KIF5B: variants seen among roughly 807,000 people sequenced by gnomAD.
KIF5B encodes the protein kinesin-1 heavy chain.
KIF5B carries 49 observed loss-of-function variants against 132.8 expected under a neutral mutation model. The ratio of observed to expected loss-of-function variants is 0.37; its 90% confidence interval spans 0.29 to 0.47. The LOEUF (loss-of-function observed/expected upper bound fraction) is 0.47, where lower values mean the gene tolerates loss of function less well. Ranked by LOEUF, KIF5B falls within the 20% of genes least tolerant of loss-of-function variation. The probability of loss-of-function intolerance (pLI) is 1.00; values close to 1 mark genes in which losing one functional copy is unlikely to be tolerated. For synonymous variants in KIF5B, 355 were observed against 369.4 expected (o/e 0.96, Z 0.45); for missense variants, 780 against 1,144.0 (o/e 0.68, Z 4.59).
chr10:32,047,015 AGT>A (rs1273005245), intron 2 of KIF5B, among the ~76,000 whole-genome samples: 2 of 152,236 alleles, frequency 1.3e-5, no homozygotes, highest in African/African-American at 4.8e-5. Context: ...TTTATAATAA[AGT>A]GTTAAATATT....
intron 24 of KIF5B, 127 bp from the exon 25 acceptor site, chr10:32,015,786 T>C: frequency 1.4e-6 from 1 of 719,362 alleles, no homozygotes; most frequent in Non-Finnish European, 2.2e-6. Flanking sequence ...TTTTTGTTTC[T>C]CCATCACTTT....
intron 2 of KIF5B, among the ~76,000 whole-genome samples, chr10:32,047,367 A>G (rs1050804196): frequency 6.6e-6 from 1 of 152,018 alleles, no homozygotes; most frequent in Admixed American, 6.6e-5. Flanking sequence ...TCCTTTGACT[A>G]TATCCTCAAT....
chr10:32,017,975 T>C (rs951629420), intron 23 of KIF5B, 77 bp downstream of exon 23: 12 of 692,312 alleles, frequency 1.7e-5, no homozygotes, highest in African/African-American at 9.0e-5. Flanking sequence ...CTCTGAAAGA[T>C]TGAAATACTC....
At chr10:32,032,055 A>C (rs1454722314) in intron 13 of KIF5B, among the ~76,000 whole-genome samples, 1 of 151,628 alleles carries the variant, frequency 6.6e-6, no homozygotes, top group Non-Finnish European at 1.5e-5. Context: ...CAGGGATGCC[A>C]AGAGACTAGT....
intron 7 of KIF5B, 61 bp from the exon 8 acceptor site, chr10:32,037,439 G>A: frequency 6.3e-7 from 1 of 1,598,290 alleles, no homozygotes; most frequent in South Asian, 1.1e-5. Flanking sequence ...CAATTTCCCT[G>A]AAGCAATCTT....
At chr10:32,045,751 T>C (rs1841599675) in intron 2 of KIF5B, among the ~76,000 whole-genome samples, 1 of 152,252 alleles carries the variant, frequency 6.6e-6, no homozygotes, top group African/African-American at 2.4e-5. Flanking sequence ...ACTGGTACTT[T>C]GGGCAAATAC....
chr10:32,018,169 G>T lies in KIF5B; in HGVS notation c.2440-13C>A. 1 of 1,556,006 alleles carries T rather than the reference G, an allele frequency of 6.4e-7. No individual in the cohort carries two copies. On this transcript the variant is annotated splice_polypyrimidine_tract_variant and intron_variant, in intron 22 of 25. Transcript: ENST00000302418. ...CAATCTCAGCACTCTGAGAAAAGAA[G>T]GTAAGTATTACAAAAAAATTAAAAA... is the stretch of plus-strand genomic sequence containing the variant.
Position 32,056,234 on chromosome 10 carries a change from G to T in KIF5B, c.-261C>A. 1 of 451,562 alleles carries T rather than the reference G, an allele frequency of 2.2e-6. No homozygotes were observed. Among genetic ancestry groups the T allele is most frequent in the Non-Finnish European group, 3.9e-6 (1 of 256,310 alleles). The allele number at this position is 451,562 out of a possible 1,614,324, so 28.0% of individuals were successfully genotyped here. ...CAGCGGCGGCGGCACCGGGGAGAGC[G>T]TCCGCGGCTCCTCAGCGTCCCCCTT... On this transcript the variant is annotated 5_prime_UTR_variant, in exon 1 of 26. Coordinates refer to ENST00000302418, the MANE Select transcript of KIF5B (RefSeq NM_004521.3).
intron 6 of KIF5B, 127 bp from the exon 7 acceptor site, chr10:32,037,734 G>A: frequency 6.1e-6 from 4 of 655,968 alleles, no homozygotes; most frequent in Non-Finnish European, 1.0e-5. Flanking sequence ...TTGGGAGGCT[G>A]AGGCAGGAGA....
rs1423323658 is a variant in KIF5B, at chr10:32,031,221, T to A, written c.1433A>T (p.Gln478Leu). Reference sequence around the variant, plus strand: ...TTCTTTAGAGGCATCATTTTCTGCTTGAAGGCGATTCAGCTCAGCTTGCAT... The same window carrying A: ...TTCTTTAGAGGCATCATTTTCTGCTAGAAGGCGATTCAGCTCAGCTTGCAT... The part of the protein sequence containing the change: ...DNMQAELNRL[Q>L]AENDASKEEV... Residue 478 changes from glutamine (Q) to leucine (L), a missense_variant, in exon 14 of 26, where the codon CAA (glutamine) becomes CTA (leucine). Gln to Leu is a moderately radical substitution (Grantham distance 113). Around this residue, in one of 9 missense-constraint regions of KIF5B, gnomAD observed 471 missense variants for 569.9 expected, o/e 0.83. Coordinates refer to ENST00000302418, the MANE Select transcript of KIF5B (RefSeq NM_004521.3). 6.2e-7 allele frequency: 1 copy of A among 1,613,956 alleles called. No individual in the cohort carries two copies. The highest frequency in any genetic ancestry group is 8.5e-7 in the Non-Finnish European group (1 of 1,180,008).
At chr10:32,036,460 C>A (rs1841460655) in intron 8 of KIF5B, among the ~76,000 whole-genome samples, 1 of 151,818 alleles carries the variant, frequency 6.6e-6, no homozygotes, top group South Asian at 2.1e-4. Context: ...CACTCTGTCA[C>A]CCAGGCTGGA....
chr10:32,013,982 T>C (rs997259436), intron 25 of KIF5B, among the ~76,000 whole-genome samples: 1 of 152,214 alleles, frequency 6.6e-6, no homozygotes, highest in Non-Finnish European at 1.5e-5. Flanking sequence ...GCCAGTATTA[T>C]GCAAAATGTC....
rs758347785 is a variant in KIF5B at position 32,010,531 on chromosome 10, C to T, written c.*1006G>A. On this transcript the variant is annotated 3_prime_UTR_variant, in exon 26 of 26. Transcript: ENST00000302418. ...AATTCATCATATATCTGTCCTGTTTCTTCATTTTTCTCAATTTCCACACGC... is the reference window on the plus strand; with the variant it reads ...AATTCATCATATATCTGTCCTGTTTTTTCATTTTTCTCAATTTCCACACGC... 1 of 152,078 alleles carries T rather than the reference C, an allele frequency of 6.6e-6. No homozygotes were observed. Among genetic ancestry groups the T allele is most frequent in the Non-Finnish European group, 1.5e-5 (1 of 67,964 alleles). 9.4% of individuals were successfully genotyped at this position (152,078 alleles called of 1,614,324 possible). A position where few individuals can be genotyped will look rare whatever the true frequency, so the allele number is the denominator to read the frequency against.
Position 32,026,437 on chromosome 10 carries a change from C to CAAAAAAAAAAA in KIF5B, c.1725+1980_1725+1990dup, listed in dbSNP as rs71027049. 6.1e-4 allele frequency among the ~76,000 whole-genome samples: 30 copies of CAAAAAAAAAAA among 48,924 alleles called. 3 individuals are homozygous for CAAAAAAAAAAA. The highest frequency in any genetic ancestry group is 8.3e-4 in the East Asian group (1 of 1,202). The allele number at this position is 48,924 out of a possible 152,430, so 32.1% of individuals were successfully genotyped here. A position where few individuals can be genotyped will look rare whatever the true frequency, so the allele number is the denominator to read the frequency against. ...TGGGAGACACAGTGAGATTCCGTCT[C>CAAAAAAAAAAA]AAAAAAAAAAAAAAAAAAAAAAAAG... On this transcript the variant is annotated intron_variant, in intron 15 of 25. Coordinates refer to ENST00000302418, the MANE Select transcript of KIF5B (RefSeq NM_004521.3).
intron 1 of KIF5B, 128 bp downstream of exon 1, chr10:32,055,720 A>AAACCCCGCCGGGGAGGGCTGGG: frequency 7.6e-7 from 1 of 1,312,768 alleles, no homozygotes; most frequent in South Asian, 1.4e-5. Flanking sequence ...CTGAACCGGC[A>AAACCCCGCCGGGGAGGGCTGGG]AACCCCGCCG....
intron 15 of KIF5B, among the ~76,000 whole-genome samples, chr10:32,023,910 C>T (rs211381): frequency 0.97 from 148,019 of 152,018 alleles, 72,190 homozygotes; most frequent in Middle Eastern, 1. Context: ...ACTTTTAACA[C>T]AGGAGAAAAT....
At position 32,019,858 on chromosome 10, in the gene KIF5B, G is replaced by T; in HGVS notation, c.2306C>A (p.Thr769Lys). The change falls in exon 20 of 26, where the codon ACG (threonine) becomes AAG (lysine). Residue 769 changes from threonine to lysine, a missense_variant and splice_region_variant. Coordinates refer to ENST00000302418, the MANE Select transcript of KIF5B (RefSeq NM_004521.3). Reference sequence around the variant, plus strand: ...ACTTTAATTAAAAACAATTACTCACGTAAGTTCATGTAGTTTTCTGCTCTT... The same window carrying T: ...ACTTTAATTAAAAACAATTACTCACTTAAGTTCATGTAGTTTTCTGCTCTT... ...QEKSRKLHEL[T>K]VMQDRREQAR... 6.3e-7 allele frequency: 1 copy of T among 1,580,526 alleles called. No homozygotes were observed. The highest frequency in any genetic ancestry group is 1.7e-5 in the Admixed American group (1 of 57,578).
At chr10:32,015,404 TAA>T in intron 25 of KIF5B, 103 bp downstream of exon 25, 1 of 829,914 alleles carries the variant, frequency 1.2e-6, no homozygotes. Flanking sequence ...ATGCTTAAGT[TAA>T]AAAAATCATA....
At chr10:32,044,770 CAAG>C (rs1423992072) in intron 2 of KIF5B, among the ~76,000 whole-genome samples, 1 of 151,904 alleles carries the variant, frequency 6.6e-6, no homozygotes, top group Non-Finnish European at 1.5e-5. Context: ...CTATTTTGCA[CAAG>C]AAGAAATGGA....
Sources: gnomAD v4.1 joint callset for allele counts (sites outside exome capture counted in the v4.1 genomes callset) on GRCh38, gnomAD v4.1.1 for gene constraint, gnomAD v4.1.1 regional missense constraint, MANE v1.5 for transcripts, NCBI Gene and HGNC (gene_info 2026-07-23, HGNC 2026-07-21) for gene names.